Variants in DNAH9 observed in about 807,000 individuals in gnomAD.
DNAH9 encodes DNAH9 variant protein.
DNAH9 carries 345 observed loss-of-function variants against 471.6 expected under a neutral mutation model. The observed-to-expected ratio is 0.73, with a 90% CI of 0.67 to 0.80. DNAH9 has a LOEUF of 0.80. DNAH9 is among the 30% of genes least tolerant of loss of function. DNAH9 has a pLI of 0.00. For synonymous variants in DNAH9, 2,093 were observed against 2,123.6 expected, an observed-to-expected ratio of 0.99 and a Z score of 0.40; for missense variants, 5,407 against 5,609.2, an observed-to-expected ratio of 0.96 and a Z score of 1.15.
At chr17:11,797,914 A>T in intron 43 of DNAH9, 121 bp downstream of exon 43, 1 of 986,336 alleles carries the variant, frequency 1.0e-6, no homozygotes, top group Non-Finnish European at 1.5e-6. Flanking sequence ...CTTCTGCCTT[A>T]AAAGTCAAGA....
chr17:11,601,972 A>T (rs987008453), intron 1 of DNAH9, among the ~76,000 whole-genome samples: 13 of 152,174 alleles, frequency 8.5e-5, no homozygotes, highest in African/African-American at 2.9e-4. Flanking sequence ...ACAAGGTAAA[A>T]AAGGAAAATG....
At position 11,677,635 on chromosome 17, in the gene DNAH9, C is replaced by T. The variant is rs144371053; in HGVS notation, c.3354-2122C>T. Among the ~76,000 whole-genome samples the T allele has an allele frequency of 4.0e-3, 608 of 152,138 alleles. 5 individuals carry two copies. Among genetic ancestry groups the T allele is most frequent in the African/African-American group, 0.014 (572 of 41,502 alleles). ...GAGGGTTTTGTTCATTAACATTGATCGTGGTACATTTTAATTTAAATCTAC... is the reference window on the plus strand; with the variant it reads ...GAGGGTTTTGTTCATTAACATTGATTGTGGTACATTTTAATTTAAATCTAC... On this transcript the variant is annotated intron_variant, in intron 17 of 68. Coordinates refer to ENST00000262442, the MANE Select transcript of DNAH9 (RefSeq NM_001372.4).
intron 36 of DNAH9, 77 bp from the exon 37 acceptor site, chr17:11,768,376 A>C: frequency 2.1e-6 from 3 of 1,457,668 alleles, no homozygotes; most frequent in Non-Finnish European, 2.8e-6. Flanking sequence ...CTGACCTTCT[A>C]TCTGACGCCG....
At chr17:11,958,901 CA>C (rs1567578135) in intron 67 of DNAH9, among the ~76,000 whole-genome samples, 1 of 152,070 alleles carries the variant, frequency 6.6e-6, no homozygotes, top group East Asian at 1.9e-4. Context: ...CAAATCAAAT[CA>C]CACAATATAA....
At chr17:11,857,213 G>A (rs1971657544) in intron 50 of DNAH9, among the ~76,000 whole-genome samples, 1 of 152,148 alleles carries the variant, frequency 6.6e-6, no homozygotes, top group Non-Finnish European at 1.5e-5. Context: ...ACATTCACAT[G>A]ACGGGCCCAC....
chr17:11,742,417 A>G (rs2075446150), intron 30 of DNAH9, 104 bp downstream of exon 30: 1 of 1,180,448 alleles, frequency 8.5e-7, no homozygotes, highest in Non-Finnish European at 1.2e-6. Flanking sequence ...AAGCTTTCTC[A>G]TAGAAAGTCA....
At chr17:11,713,183 T>C (rs2074902913) in intron 26 of DNAH9, among the ~76,000 whole-genome samples, 1 of 152,200 alleles carries the variant, frequency 6.6e-6, no homozygotes, top group South Asian at 2.1e-4. Flanking sequence ...ATTAGTTTGC[T>C]AAGGATAATA....
At chr17:11,905,631 A>T in intron 60 of DNAH9, 30 bp from the exon 61 acceptor site, 1 of 1,610,528 alleles carries the variant, frequency 6.2e-7, no homozygotes, top group Non-Finnish European at 8.5e-7. Context: ...CTATATATGT[A>T]TAAATCTATA....
At chr17:11,652,014 A>G (rs2073517806) in intron 13 of DNAH9, among the ~76,000 whole-genome samples, 1 of 152,198 alleles carries the variant, frequency 6.6e-6, no homozygotes, top group African/African-American at 2.4e-5. Flanking sequence ...AAAAGATTAT[A>G]GTTGATTCAT....
chr17:11,724,912 C>G (rs538871612), intron 27 of DNAH9, among the ~76,000 whole-genome samples: 1 of 152,210 alleles, frequency 6.6e-6, no homozygotes, highest in African/African-American at 2.4e-5. Flanking sequence ...CCCTGGTCTT[C>G]TCTTCCTTCA....
intron 46 of DNAH9, 29 bp downstream of exon 46, chr17:11,822,091 C>T (rs370057342): frequency 2.3e-5 from 37 of 1,597,762 alleles, no homozygotes; most frequent in Non-Finnish European, 2.6e-5. Flanking sequence ...CAGGGGCAGG[C>T]AGAGACCCGA....
intron 28 of DNAH9, among the ~76,000 whole-genome samples, chr17:11,731,137 A>T (rs984321771): frequency 7.2e-6 from 1 of 139,802 alleles, no homozygotes; most frequent in Non-Finnish European, 1.6e-5. Context: ...GACGTTGATA[A>T]TGACAGTGAT....
At chr17:11,779,979 GAAGAA>G (rs1290445347) in intron 38 of DNAH9, among the ~76,000 whole-genome samples, 1 of 151,392 alleles carries the variant, frequency 6.6e-6, no homozygotes, top group Non-Finnish European at 1.5e-5. Flanking sequence ...TTTTTCAAGA[GAAGAA>G]ATCAGATGGT....
chr17:11,886,048 C>T (rs115357212), intron 56 of DNAH9, among the ~76,000 whole-genome samples: 209 of 152,274 alleles, frequency 1.4e-3, no homozygotes, highest in African/African-American at 3.5e-3. Context: ...TCTGGCTGGG[C>T]GCGGTGGCTC....
chr17:11,793,435 A>G (rs1969129946), intron 41 of DNAH9, 68 bp from the exon 42 acceptor site: 3 of 1,459,178 alleles, frequency 2.1e-6, no homozygotes, highest in Non-Finnish European at 1.9e-6. Flanking sequence ...TGCTCCAGGA[A>G]GTTTTCCTAG....
At chr17:11,688,173 G>T (rs574749551) in intron 19 of DNAH9, among the ~76,000 whole-genome samples, 2 of 147,962 alleles carry the variant, frequency 1.4e-5, no homozygotes, top group African/African-American at 4.9e-5. Context: ...ATGCAGGAAC[G>T]CATGCTTTGC....
intron 67 of DNAH9, among the ~76,000 whole-genome samples, chr17:11,952,981 G>C (rs1049355208): frequency 6.6e-6 from 1 of 152,192 alleles, no homozygotes; most frequent in Admixed American, 6.5e-5. Context: ...TCAAATGGCA[G>C]GGAGGCAGAG....
In DNAH9 at chr17:11,875,179, G is replaced by GA; in HGVS notation, c.10476dup (p.Gly3493ArgfsTer19). ...ATCTCCGGGTCACGCAGATTGGTCA[G>GA]AAAGGGTAAGTGGTTGAGCACAGAA... On this transcript the variant is annotated frameshift_variant, in exon 53 of 69. Coordinates refer to ENST00000262442, the MANE Select transcript of DNAH9 (RefSeq NM_001372.4). LOFTEE classifies it high-confidence loss of function. 1 of 1,610,594 alleles carries GA rather than the reference G, an allele frequency of 6.2e-7. No individual in the cohort carries two copies. Among genetic ancestry groups the GA allele is most frequent in the Non-Finnish European group, 8.5e-7 (1 of 1,178,622 alleles).
intron 43 of DNAH9, among the ~76,000 whole-genome samples, chr17:11,799,773 C>T (rs747768424): frequency 3.3e-5 from 5 of 152,092 alleles, no homozygotes; most frequent in Non-Finnish European, 7.4e-5. Flanking sequence ...TTAATAGAGA[C>T]AGGGTTAAAC....
Sources: gnomAD v4.1 joint callset for allele counts (sites outside exome capture counted in the v4.1 genomes callset) on GRCh38, gnomAD v4.1.1 for gene constraint, MANE v1.5 for transcripts, NCBI Gene and HGNC (gene_info 2026-07-23, HGNC 2026-07-21) for gene names.